CUL4B: variants seen among roughly 807,000 people sequenced by gnomAD.
CUL4B encodes cullin-4B.
Under a neutral mutation model 69.2 loss-of-function variants are expected in CUL4B, and 1 was observed. That is an observed-to-expected ratio of 0.01 (90% CI 0.01 to 0.07). The LOEUF (loss-of-function observed/expected upper bound fraction) is 0.07. CUL4B is among the 10% of genes least tolerant of loss of function. CUL4B has a pLI of 1.00. For synonymous variants in CUL4B, 237 were observed against 223.2 expected, an observed-to-expected ratio of 1.06 and a Z score of -0.55; for missense variants, 328 against 638.8, an observed-to-expected ratio of 0.51 and a Z score of 5.24.
upstream of CUL4B, among the ~76,000 whole-genome samples, chrX:120,562,076 C>T (rs1925349682): frequency 9.0e-6 from 1 of 111,153 alleles, no homozygotes; most frequent in Non-Finnish European, 1.9e-5. Flanking sequence ...TAACTAACCC[C>T]TCACCCACCC....
In CUL4B at chrX:120,534,528, T is replaced by G; in HGVS notation, c.2219A>C (p.Glu740Ala). The change falls in exon 17 of 20, where the codon GAG becomes GCG. Residue 740 changes from glutamate to alanine, a missense_variant. Around this residue, in one of 4 missense-constraint regions of CUL4B, gnomAD observed 98 missense variants for 296.8 expected, o/e 0.33. Coordinates refer to ENST00000371322, the MANE Select transcript of CUL4B (RefSeq NM_001079872.2). ...CTCTTCTAAACTGAACTCCTCTCCC[T>G]CATTAAACATTAGCAGCACCAGTGT... is the stretch of plus-strand genomic sequence containing the variant. ...FQTLVLLMFNEGEEFSLEEIK... is the reference protein window; with the variant it reads ...FQTLVLLMFNAGEEFSLEEIK... 1 of 1,208,489 alleles carries G rather than the reference T, an allele frequency of 8.3e-7. No homozygotes were observed. Among genetic ancestry groups the G allele is most frequent in the Non-Finnish European group, 1.1e-6 (1 of 892,898 alleles).
At chrX:120,548,651 T>C (rs1456923633) in intron 2 of CUL4B, among the ~76,000 whole-genome samples, 2 of 109,957 alleles carry the variant, frequency 1.8e-5, no homozygotes, top group Admixed American at 9.8e-5. Flanking sequence ...CTGGCCAACA[T>C]AGTGAAACCC....
rs928416638 is a variant in CUL4B at position 120,560,929 on chromosome X, C to G, written c.-291G>C. On this transcript the variant is annotated 5_prime_UTR_variant, in exon 1 of 20. Transcript: ENST00000371322. Reference sequence around the variant, plus strand: ...CCCTCCCCTGCTTTTCGATCTCTCTCCCCCCCTTTCTGCAGGAGCGACTCA... The same window carrying G: ...CCCTCCCCTGCTTTTCGATCTCTCTGCCCCCCTTTCTGCAGGAGCGACTCA... 12 of 748,987 alleles carry G rather than the reference C, an allele frequency of 1.6e-5. No individual in the cohort carries two copies. The highest frequency in any genetic ancestry group is 2.3e-5 in the African/African-American group (1 of 42,599). 61.7% of individuals were successfully genotyped at this position (748,987 alleles called of 1,213,427 possible). A position where few individuals can be genotyped will look rare whatever the true frequency, so the allele number is the denominator to read the frequency against.
Position 120,524,196 on chromosome X carries a change from C to G in CUL4B, c.*2565G>C, listed in dbSNP as rs1331111867. Among the ~76,000 whole-genome samples the G allele has an allele frequency of 9.0e-6, 1 of 111,292 alleles. No individual in the cohort carries two copies. Among genetic ancestry groups the G allele is most frequent in the Non-Finnish European group, 1.9e-5 (1 of 52,994 alleles). ...CAAAAACTTTGAGGAACATCTTACT[C>G]TGAGAGTATCTGGCCCAGAACTCAA... On this transcript the variant is annotated 3_prime_UTR_variant, in exon 20 of 20. Coordinates refer to ENST00000371322, the MANE Select transcript of CUL4B (RefSeq NM_001079872.2).
At chrX:120,556,133 T>C (rs1003848694) in intron 2 of CUL4B, among the ~76,000 whole-genome samples, 5 of 110,863 alleles carry the variant, frequency 4.5e-5, no homozygotes, top group African/African-American at 1.6e-4. Context: ...TTTTGGCTTT[T>C]ATTGTTGTAC....
chrX:120,532,319 T>G lies in CUL4B; in HGVS notation c.2439+103A>C, dbSNP rs1436866832. 3 of 630,074 alleles carry G rather than the reference T, an allele frequency of 4.8e-6. No individual in the cohort carries two copies. The African/African-American group carries it at 6.8e-5, about 14-fold the overall frequency. The allele number at this position is 630,074 out of a possible 1,213,427, so 51.9% of individuals were successfully genotyped here. A position where few individuals can be genotyped will look rare whatever the true frequency, so the allele number is the denominator to read the frequency against. On this transcript the variant is annotated intron_variant, in intron 18 of 19. Coordinates refer to ENST00000371322, the MANE Select transcript of CUL4B (RefSeq NM_001079872.2). ...AGCTGGACATAGACACAAAAAATAT[T>G]AATGGTATTGGCAGTATTACAGGTA... is the stretch of plus-strand genomic sequence containing the variant.
At chrX:120,565,205 T>A (rs955178758), upstream of CUL4B, among the ~76,000 whole-genome samples, 2 of 110,288 alleles carry the variant, frequency 1.8e-5, no homozygotes, top group African/African-American at 6.6e-5. Context: ...CTTTAGGTCC[T>A]CTCCAGATAT....
At chrX:120,536,016 C>A (rs1328839919) in intron 15 of CUL4B, 73 bp from the exon 16 acceptor site, 18 of 757,070 alleles carry the variant, frequency 2.4e-5, no homozygotes, top group Non-Finnish European at 3.7e-5. Flanking sequence ...ATACTTACCT[C>A]ATGTGATATA....
In CUL4B at chrX:120,536,993, A is replaced by G; in HGVS notation, c.1980T>C (p.Thr660=). Residue 660 remains threonine, a synonymous_variant, in exon 15 of 20, where the codon ACT becomes ACC. Coordinates refer to ENST00000371322, the MANE Select transcript of CUL4B (RefSeq NM_001079872.2). ...NQNVPGNIEL[T]VNILTMGYWP... ...AATAGCCCATTGTCAGGATATTCAC[A>G]GTTAACTCAATATTTCCCGGAACAT... 4 of 1,206,058 alleles carry G rather than the reference A, an allele frequency of 3.3e-6. No homozygotes were observed. Among genetic ancestry groups the G allele is most frequent in the Non-Finnish European group, 4.5e-6 (4 of 890,419 alleles).
At chrX:120,569,506 G>A (rs756273328), downstream of CUL4B, among the ~76,000 whole-genome samples, 814 of 109,996 alleles carry the variant, frequency 7.4e-3, 8 homozygotes, top group African/African-American at 0.024. Flanking sequence ...GACTACAGGC[G>A]CCCGCCACCA....
At chrX:120,555,887 A>G (rs1187666288) in intron 2 of CUL4B, among the ~76,000 whole-genome samples, 1 of 101,719 alleles carries the variant, frequency 9.8e-6, no homozygotes, top group Non-Finnish European at 2.0e-5. Flanking sequence ...GGTTGCAGTG[A>G]GCCGAGATCA....
At chrX:120,551,816 C>T (rs1485925806) in intron 2 of CUL4B, among the ~76,000 whole-genome samples, 1 of 111,647 alleles carries the variant, frequency 9.0e-6, no homozygotes, top group African/African-American at 3.3e-5. Context: ...TACTTATGCT[C>T]TCTTACTAGT....
upstream of CUL4B, chrX:120,561,231 G>A: frequency 3.9e-6 from 2 of 507,559 alleles, no homozygotes; most frequent in East Asian, 3.9e-5. Context: ...AAGTGCCCCA[G>A]ACGCTCGCGC....
chrX:120,532,665 C>T (rs1923388768), intron 17 of CUL4B, 71 bp from the exon 18 acceptor site: 1 of 906,701 alleles, frequency 1.1e-6, no homozygotes, highest in African/African-American at 1.9e-5. Context: ...CTCAATCTAG[C>T]TTCCACTCCA....
chrX:120,567,717 GAA>G (rs778401536), downstream of CUL4B, among the ~76,000 whole-genome samples: 10 of 81,109 alleles, frequency 1.2e-4, no homozygotes, highest in African/African-American at 3.6e-4. Context: ...TGTCTCTATC[GAA>G]AAAAAAAAAA....
chrX:120,568,439 T>C (rs1348855869), downstream of CUL4B, among the ~76,000 whole-genome samples: 4 of 111,997 alleles, frequency 3.6e-5, no homozygotes, highest in Non-Finnish European at 7.5e-5. Flanking sequence ...TATCCCTAAA[T>C]GCCCAACTTT....
intron 2 of CUL4B, among the ~76,000 whole-genome samples, chrX:120,574,103 C>T (rs1925792146): frequency 9.2e-6 from 1 of 108,260 alleles, no homozygotes; most frequent in East Asian, 2.9e-4. Flanking sequence ...ATCACCTGCC[C>T]CCCTCTGCCC....
upstream of CUL4B, among the ~76,000 whole-genome samples, chrX:120,563,627 TGTAAATGCAGG>T (rs1925408354): frequency 8.9e-6 from 1 of 112,388 alleles, no homozygotes; most frequent in Non-Finnish European, 1.9e-5. Context: ...GCTGAACCAC[TGTAAATGCAGG>T]GTAAATGCTT....
chrX:120,571,118 G>A (rs1391805507), downstream of CUL4B: 5 of 109,799 alleles, frequency 4.6e-5, no homozygotes, highest in Admixed American at 9.8e-5. Flanking sequence ...ATTTAGGGAA[G>A]GGGAATTTAG....
Sources: allele counts gnomAD v4.1 joint callset (sites outside exome capture counted in the v4.1 genomes callset), GRCh38; gene constraint gnomAD v4.1.1; regional missense constraint gnomAD v4.1.1; transcripts MANE v1.5; gene names NCBI Gene and HGNC (gene_info 2026-07-23, HGNC 2026-07-21).